Variants in ERBB4 observed in about 807,000 individuals in gnomAD.
The protein encoded by ERBB4 is erb-b2 receptor tyrosine kinase 4.
A neutral mutation model predicts 158.0 loss-of-function variants in ERBB4; 42 were observed. That is an observed-to-expected ratio of 0.27 (90% confidence interval 0.21 to 0.34). The LOEUF (loss-of-function observed/expected upper bound fraction) is 0.34. Among genes scored for constraint, ERBB4 ranks in the 10% least tolerant of loss-of-function variants. The probability of loss-of-function intolerance (pLI) is 1.00; values close to 1 mark genes in which losing one functional copy is unlikely to be tolerated. For missense variants in ERBB4, 1,333 were observed against 1,624.1 expected, an observed-to-expected ratio of 0.82 and a Z score of 3.08; for synonymous variants, 583 against 558.7, an observed-to-expected ratio of 1.04 and a Z score of -0.61.
At chr2:211,815,861 ACTCT>A (rs1171361968) in intron 3 of ERBB4, among the ~76,000 whole-genome samples, 1 of 151,736 alleles carries the variant, frequency 6.6e-6, no homozygotes, top group Non-Finnish European at 1.5e-5. Context: ...GAATCCTCTC[ACTCT>A]CCCTTTGCTG....
intron 2 of ERBB4, among the ~76,000 whole-genome samples, chr2:211,962,405 T>G (rs2081203293): frequency 6.6e-6 from 1 of 152,144 alleles, no homozygotes; most frequent in South Asian, 2.1e-4. Flanking sequence ...ATGTCTAATG[T>G]CAAAGTGTCT....
chr2:212,090,742 C>T (rs971632561), intron 2 of ERBB4, among the ~76,000 whole-genome samples: 1 of 152,088 alleles, frequency 6.6e-6, no homozygotes, highest in Admixed American at 6.6e-5. Flanking sequence ...TTAAAGGGCC[C>T]CATGAATGTA....
chr2:211,689,996 T>A (rs2072736196), intron 12 of ERBB4, among the ~76,000 whole-genome samples: 1 of 149,634 alleles, frequency 6.7e-6, no homozygotes, highest in Non-Finnish European at 1.5e-5. Context: ...TACAGATAAT[T>A]TTATCTATCT....
At chr2:212,190,996 T>G (rs1574396313) in intron 1 of ERBB4, among the ~76,000 whole-genome samples, 1 of 152,058 alleles carries the variant, frequency 6.6e-6, no homozygotes, top group Middle Eastern at 3.5e-3. Context: ...CTACCCCTCC[T>G]TGAGGATCAG....
At chr2:212,517,270 T>C (rs1467789566) in intron 1 of ERBB4, among the ~76,000 whole-genome samples, 2 of 152,112 alleles carry the variant, frequency 1.3e-5, no homozygotes, top group African/African-American at 4.8e-5. Flanking sequence ...GTAGATGATA[T>C]TGTCTTATCC....
rs2062617026 is a variant in ERBB4 at position 211,383,622 on chromosome 2, A to G, written c.3920T>C (p.Val1307Ala). The G allele has an allele frequency of 6.2e-7, 1 of 1,612,310 alleles. No individual in the cohort carries two copies. Among genetic ancestry groups the G allele is most frequent in the Non-Finnish European group, 8.5e-7 (1 of 1,179,398 alleles). ...AAAAAACCACAACTGAGCTTACACC[A>G]CAGTATTCCGGTGTCTGTAAGGTGG... ...PPPPYRHRNT[V>A]V The change falls in exon 28 of 28, where the codon GTG (valine) becomes GCG (alanine). Residue 1307 changes from valine (V) to alanine (A), a missense_variant. Physicochemically the swap from Val to Ala is moderately conservative, Grantham distance 64. Around this residue, in one of 5 missense-constraint regions of ERBB4, gnomAD observed 84 missense variants for 110.8 expected, o/e 0.76. Transcript: ENST00000342788.
chr2:211,996,468 G>C (rs1278810306), intron 2 of ERBB4, among the ~76,000 whole-genome samples: 1 of 151,434 alleles, frequency 6.6e-6, no homozygotes, highest in African/African-American at 2.4e-5. Context: ...TACCTTTTTT[G>C]CTGGTTATGA....
rs2082264875 is a variant in ERBB4 at position 212,191,993 on chromosome 2, TATATGTTATATATAA to T, written c.83-67105_83-67091del. ...TATATGTTATATATGTTATATGTTA[TATATGTTATATATAA>T]TATATGTTATATGTTATATATGTTA... On this transcript the variant is annotated intron_variant, in intron 1 of 27. Coordinates refer to ENST00000342788, the MANE Select transcript of ERBB4 (RefSeq NM_005235.3). 7.4e-5 allele frequency among the ~76,000 whole-genome samples: 8 copies of T among 107,668 alleles called. 1 individual carries two copies. The highest frequency in any genetic ancestry group is 5.3e-3 in the Middle Eastern group (1 of 190). The allele number at this position is 107,668 out of a possible 152,430, so 70.6% of individuals were successfully genotyped here. A position where few individuals can be genotyped will look rare whatever the true frequency, so the allele number is the denominator to read the frequency against.
chr2:211,896,644 G>T (rs532033338), intron 3 of ERBB4, among the ~76,000 whole-genome samples: 186 of 152,082 alleles, frequency 1.2e-3, no homozygotes, highest in Middle Eastern at 3.4e-3. Flanking sequence ...ATAACAATAT[G>T]CAAAATGATC....
intron 2 of ERBB4, among the ~76,000 whole-genome samples, chr2:212,107,859 A>T (rs1003618127): frequency 6.6e-6 from 1 of 152,158 alleles, no homozygotes; most frequent in African/African-American, 2.4e-5. Context: ...TTATTCTCTC[A>T]TATCTGCTGC....
At chr2:212,025,145 G>GT (rs2076744227) in intron 2 of ERBB4, among the ~76,000 whole-genome samples, 1 of 151,816 alleles carries the variant, frequency 6.6e-6, no homozygotes, top group Non-Finnish European at 1.5e-5. Flanking sequence ...CTGGTACACG[G>GT]TAACTCCTTG....
At chr2:212,190,693 T>C (rs1327659760) in intron 1 of ERBB4, among the ~76,000 whole-genome samples, 2 of 152,156 alleles carry the variant, frequency 1.3e-5, no homozygotes, top group African/African-American at 4.8e-5. Flanking sequence ...TTCAAACACA[T>C]AGACCTGAGA....
chr2:211,594,601 G>A (rs1174830746), intron 19 of ERBB4, among the ~76,000 whole-genome samples: 2 of 151,968 alleles, frequency 1.3e-5, no homozygotes, highest in Non-Finnish European at 2.9e-5. Flanking sequence ...GTGTAAATTA[G>A]AGAGAAAGTA....
intron 1 of ERBB4, among the ~76,000 whole-genome samples, chr2:212,452,246 A>G (rs971696936): frequency 2.0e-5 from 3 of 152,162 alleles, no homozygotes; most frequent in Non-Finnish European, 4.4e-5. Context: ...AGAAACTTAA[A>G]GCCTTGTGAC....
At chr2:212,351,765 A>G (rs2089262738) in intron 1 of ERBB4, among the ~76,000 whole-genome samples, 1 of 152,226 alleles carries the variant, frequency 6.6e-6, no homozygotes, top group South Asian at 2.1e-4. Context: ...TAATCAAAGC[A>G]TGTATAAACA....
intron 25 of ERBB4, among the ~76,000 whole-genome samples, chr2:211,395,167 A>G (rs1453171332): frequency 6.6e-6 from 1 of 152,114 alleles, no homozygotes; most frequent in East Asian, 1.9e-4. Context: ...TTCCTTTTTA[A>G]AGTGGACTAT....
At position 212,020,942 on chromosome 2, in the gene ERBB4, C is replaced by A. The variant is rs1312407442; in HGVS notation, c.235-73326G>T. Among the ~76,000 whole-genome samples, 7 of 152,068 alleles carry A rather than the reference C, an allele frequency of 4.6e-5. No individual in the cohort carries two copies. In the East Asian group the frequency reaches 1.2e-3, roughly 25 times the overall value. On this transcript the variant is annotated intron_variant, in intron 2 of 27. Coordinates refer to ENST00000342788, the MANE Select transcript of ERBB4 (RefSeq NM_005235.3). Reference sequence around the variant, plus strand: ...TACCAGATTTTCTTATCATTAAAATCATATGTCTACATAAAAAGGTAAGAA... The same window carrying A: ...TACCAGATTTTCTTATCATTAAAATAATATGTCTACATAAAAAGGTAAGAA...
rs182706689 is a variant in ERBB4 at position 212,365,372 on chromosome 2, A to G, written c.82+173077T>C. On this transcript the variant is annotated intron_variant, in intron 1 of 27. Coordinates refer to ENST00000342788, the MANE Select transcript of ERBB4 (RefSeq NM_005235.3). ...GAAAAATAAGAATATATCTGTCATAAGACTGATGGGAAAATATGAAGCAAG... is the reference window on the plus strand; with the variant it reads ...GAAAAATAAGAATATATCTGTCATAGGACTGATGGGAAAATATGAAGCAAG... Among the ~76,000 whole-genome samples the G allele has an allele frequency of 5.5e-4, 84 of 151,882 alleles. 2 individuals are homozygous for G. The highest frequency in any genetic ancestry group is 2.5e-3 in the East Asian group (13 of 5,154).
intron 20 of ERBB4, among the ~76,000 whole-genome samples, chr2:211,512,385 A>T (rs144416619): frequency 3.4e-4 from 52 of 152,148 alleles, no homozygotes; most frequent in African/African-American, 1.3e-3. Flanking sequence ...TCAACAGAGC[A>T]CTGATTTCAG....
Sources: allele counts gnomAD v4.1 joint callset (sites outside exome capture counted in the v4.1 genomes callset), GRCh38; gene constraint gnomAD v4.1.1; regional missense constraint gnomAD v4.1.1; transcripts MANE v1.5; gene names NCBI Gene and HGNC (gene_info 2026-07-23, HGNC 2026-07-21).